MALRD1: variants seen among roughly 807,000 people sequenced by gnomAD.
MALRD1 encodes MAM and LDL-receptor class A domain-containing protein 1.
A neutral mutation model predicts 242.1 loss-of-function variants in MALRD1; 247 were observed. The ratio of observed to expected loss-of-function variants is 1.02; its 90% CI spans 0.92 to 1.13. The LOEUF (loss-of-function observed/expected upper bound fraction) is 1.13, where lower values mean the gene tolerates loss of function less well. Among genes scored for constraint, MALRD1 ranks in the 50% most tolerant of loss-of-function variants. The pLI, the probability that MALRD1 is intolerant of heterozygous loss-of-function variation, is 0.00. For synonymous variants in MALRD1, 995 were observed against 866.6 expected, an observed-to-expected ratio of 1.15 and a Z score of -2.60; for missense variants, 2,989 against 2,533.1, an observed-to-expected ratio of 1.18 and a Z score of -3.86.
chr10:19,522,708 C>G (rs1418927684), intron 31 of MALRD1, among the ~76,000 whole-genome samples: 3 of 152,030 alleles, frequency 2.0e-5, no homozygotes, highest in Non-Finnish European at 4.4e-5. Flanking sequence ...TTATTATTAT[C>G]CCCATTTGAT....
In MALRD1 at chr10:19,136,718, G is replaced by T. The variant is rs1833353318; in HGVS notation, c.1348G>T (p.Glu450Ter). 7 of 1,231,544 alleles carry T rather than the reference G, an allele frequency of 5.7e-6. No homozygotes were observed. The highest frequency in any genetic ancestry group is 7.1e-6 in the Non-Finnish European group (7 of 987,986). The allele number at this position is 1,231,544 out of a possible 1,614,324, so 76.3% of individuals were successfully genotyped here. A position where few individuals can be genotyped will look rare whatever the true frequency, so the allele number is the denominator to read the frequency against. ...PCTSGQCIAK[E>*]SVCDSRQDCS... ...CACTAGTGGCCAGTGCATCGCCAAA[G>T]AATCTGTCTGTGACTCTCGGCAGGA... The change falls in exon 10 of 40, where the codon GAA becomes TAA. Residue 450 changes from glutamate to a stop codon, truncating the protein, a stop_gained. Transcript: ENST00000454679. LOFTEE classifies it high-confidence loss of function.
At chr10:19,047,619 C>T (rs555473121), upstream of MALRD1, among the ~76,000 whole-genome samples, 176 of 152,106 alleles carry the variant, frequency 1.2e-3, no homozygotes, top group African/African-American at 3.9e-3. Context: ...GTTTGCAAAA[C>T]AGAGGGGTAA....
chr10:19,360,742 T>G (rs1401632726), intron 26 of MALRD1, among the ~76,000 whole-genome samples: 1 of 152,080 alleles, frequency 6.6e-6, no homozygotes, highest in Non-Finnish European at 1.5e-5. Flanking sequence ...TCCCACATTA[T>G]TTACCCAGTG....
At chr10:19,383,899 C>A (rs369306284) in intron 26 of MALRD1, among the ~76,000 whole-genome samples, 1 of 151,548 alleles carries the variant, frequency 6.6e-6, no homozygotes, top group African/African-American at 2.4e-5. Flanking sequence ...AATTAAAGTG[C>A]GGTGAGTGCT....
At chr10:19,499,658 G>A (rs946627077) in intron 31 of MALRD1, among the ~76,000 whole-genome samples, 1 of 152,096 alleles carries the variant, frequency 6.6e-6, no homozygotes, top group Admixed American at 6.6e-5. Context: ...TGTTTCTCAG[G>A]AGAACCCTAA....
At chr10:19,137,607 G>GAAAAAAAAAAAA (rs34768480) in intron 10 of MALRD1, among the ~76,000 whole-genome samples, 1 of 84,448 alleles carries the variant, frequency 1.2e-5, no homozygotes, top group Non-Finnish European at 2.3e-5. Context: ...GACTCCGTCT[G>GAAAAAAAAAAAA]AAAAAAAAAA....
chr10:19,680,839 T>C (rs1430847598), intron 36 of MALRD1, among the ~76,000 whole-genome samples: 2 of 152,174 alleles, frequency 1.3e-5, no homozygotes, highest in African/African-American at 2.4e-5. Flanking sequence ...CTGGTGGTGA[T>C]GAATTCCCTC....
intron 2 of MALRD1, among the ~76,000 whole-genome samples, chr10:19,085,078 C>T (rs965563397): frequency 2.0e-5 from 3 of 151,756 alleles, no homozygotes; most frequent in Admixed American, 2.0e-4. Context: ...TACTAGGCTG[C>T]TAAAGGAAGT....
chr10:19,518,684 C>G (rs1441409699), intron 31 of MALRD1, among the ~76,000 whole-genome samples: 3 of 151,406 alleles, frequency 2.0e-5, no homozygotes, highest in Admixed American at 1.3e-4. Flanking sequence ...TTCATAAATA[C>G]TAAAATACAA....
chr10:19,357,019 A>T (rs927954567), intron 26 of MALRD1, among the ~76,000 whole-genome samples: 1 of 151,902 alleles, frequency 6.6e-6, no homozygotes, highest in Non-Finnish European at 1.5e-5. Context: ...TGAGGCAGGG[A>T]GAATTGCTTG....
chr10:19,373,599 G>C (rs1472875364), intron 26 of MALRD1, among the ~76,000 whole-genome samples: 1 of 152,004 alleles, frequency 6.6e-6, no homozygotes, highest in Admixed American at 6.6e-5. Context: ...AGAAAAAAAT[G>C]ACAACATAAA....
intron 19 of MALRD1, among the ~76,000 whole-genome samples, chr10:19,263,719 C>CT (rs1332419264): frequency 6.6e-6 from 1 of 152,002 alleles, no homozygotes; most frequent in Non-Finnish European, 1.5e-5. Flanking sequence ...ATTCTTGTCA[C>CT]TTTTTTTATT....
At chr10:19,198,301 T>C (rs986366770) in intron 14 of MALRD1, among the ~76,000 whole-genome samples, 1 of 152,184 alleles carries the variant, frequency 6.6e-6, no homozygotes, top group African/African-American at 2.4e-5. Context: ...CATATTTGCA[T>C]TGGTTCTTCT....
At chr10:19,294,221 A>G (rs757986204) in intron 21 of MALRD1, among the ~76,000 whole-genome samples, 1 of 152,324 alleles carries the variant, frequency 6.6e-6, no homozygotes, top group East Asian at 1.9e-4. Flanking sequence ...TTAAAAAGAA[A>G]TAATTGTACT....
intron 28 of MALRD1, among the ~76,000 whole-genome samples, chr10:19,422,029 T>A (rs1236634355): frequency 6.6e-6 from 1 of 152,192 alleles, no homozygotes; most frequent in African/African-American, 2.4e-5. Context: ...ATGAGCAGAA[T>A]CCTCTGGAAG....
At chr10:19,641,858 G>A (rs973122344) in intron 36 of MALRD1, among the ~76,000 whole-genome samples, 3 of 152,064 alleles carry the variant, frequency 2.0e-5, no homozygotes, top group African/African-American at 7.2e-5. Flanking sequence ...TAATGCCCAT[G>A]TATGTTAAAT....
intron 5 of MALRD1, among the ~76,000 whole-genome samples, chr10:19,107,685 G>A (rs1248530295): frequency 6.7e-6 from 1 of 150,372 alleles, no homozygotes; most frequent in Non-Finnish European, 1.5e-5. Flanking sequence ...GTTATTTTCT[G>A]GTTATTTTGT....
At chr10:19,136,857 T>G (rs1833360663) in intron 10 of MALRD1, 76 bp downstream of exon 10, 1 of 1,024,366 alleles carries the variant, frequency 9.8e-7, no homozygotes, top group Non-Finnish European at 1.3e-6. Flanking sequence ...AGTCTTTGTT[T>G]CTATCAAGGC....
In MALRD1 at chr10:19,051,854, G is replaced by A. The variant is rs376507206; in HGVS notation, c.199+2717G>A. On this transcript the variant is annotated intron_variant, in intron 1 of 39. Coordinates refer to ENST00000454679, the MANE Select transcript of MALRD1 (RefSeq NM_001142308.3). The stretch of plus-strand genomic sequence containing the variant: ...GGAGAATGGTGTGAACCCGGGATGC[G>A]GACCTTGCAGTGAGCCAAGATTGTG... The A allele has an allele frequency of 9.5e-5, 16 of 168,592 alleles. No individual in the cohort carries two copies. The East Asian group carries it at 1.3e-3, about 14-fold the overall frequency. 10.4% of individuals were successfully genotyped at this position (168,592 alleles called of 1,614,324 possible).
Sources: allele counts gnomAD v4.1 joint callset (sites outside exome capture counted in the v4.1 genomes callset), GRCh38; gene constraint gnomAD v4.1.1; transcripts MANE v1.5; gene names NCBI Gene and HGNC (gene_info 2026-07-23, HGNC 2026-07-21).